Variants in ELFN2 observed in about 807,000 individuals in gnomAD.
ELFN2 encodes extracellular leucine rich repeat and fibronectin type III domain containing 2.
Under a neutral mutation model 45.5 loss-of-function variants are expected in ELFN2, and 17 were observed. The ratio of observed to expected loss-of-function variants is 0.37; its 90% CI spans 0.26 to 0.56. The LOEUF (loss-of-function observed/expected upper bound fraction) is 0.56. Among genes scored for constraint, ELFN2 ranks in the 20% least tolerant of loss-of-function variants. The probability of loss-of-function intolerance (pLI) is 0.77; values close to 1 mark genes in which losing one functional copy is unlikely to be tolerated. For synonymous variants in ELFN2, 550 were observed against 551.5 expected (o/e 1.00, Z 0.04); for missense variants, 922 against 1,183.2 (o/e 0.78, Z 3.24).
intron 1 of ELFN2, among the ~76,000 whole-genome samples, chr22:37,425,579 G>A (rs1425887216): frequency 1.4e-5 from 2 of 139,996 alleles, no homozygotes; most frequent in Admixed American, 7.4e-5. Context: ...CGTCACCTGC[G>A]GCCTGGAGCT....
rs147856150 is a variant in ELFN2, at chr22:37,374,301, G to A, written c.1234C>T (p.Leu412=). 5.0e-6 allele frequency: 8 copies of A among 1,613,794 alleles called. No individual in the cohort carries two copies. In the African/African-American group the frequency reaches 1.1e-4, roughly 22 times the overall value. Residue 412 remains leucine (L), a synonymous_variant, in exon 3 of 3, where the codon CTG becomes TTG. Transcript: ENST00000402918. The part of the protein sequence containing the change: ...LGCLFGMVIV[L]GAVYYCLRKR... Reference sequence around the variant, plus strand: ...CGCAGGCAGTAGTACACGGCTCCCAGCACGATAACCATGCCAAAGAGGCAG... The same window carrying A: ...CGCAGGCAGTAGTACACGGCTCCCAACACGATAACCATGCCAAAGAGGCAG...
rs1292481748 is a variant in ELFN2, at chr22:37,368,917, TGTC to T, written c.*4152_*4154del. The T allele has an allele frequency of 1.8e-5, 2 of 110,642 alleles. No individual in the cohort carries two copies. Among genetic ancestry groups the T allele is most frequent in the African/African-American group, 7.0e-5 (2 of 28,384 alleles). 6.9% of individuals were successfully genotyped at this position (110,642 alleles called of 1,614,324 possible). A position where few individuals can be genotyped will look rare whatever the true frequency, so the allele number is the denominator to read the frequency against. ...ACCCACCCACCCTTCTGGCTCCTCTTGTCATTCACAGCTTGGCTCCCTGTCCCC... is the reference window on the plus strand; with the variant it reads ...ACCCACCCACCCTTCTGGCTCCTCTTATTCACAGCTTGGCTCCCTGTCCCC... On this transcript the variant is annotated 3_prime_UTR_variant, in exon 3 of 3. Coordinates refer to ENST00000402918, the MANE Select transcript of ELFN2 (RefSeq NM_052906.5).
chr22:37,356,569 G>A (rs749319896), intron 1 of ELFN2, among the ~76,000 whole-genome samples: 6 of 152,186 alleles, frequency 3.9e-5, no homozygotes, highest in Non-Finnish European at 5.9e-5. Flanking sequence ...CTGGCCAGGC[G>A]TGAACGTCTT....
At chr22:37,407,257 T>G (rs990048220) in intron 2 of ELFN2, among the ~76,000 whole-genome samples, 4 of 152,168 alleles carry the variant, frequency 2.6e-5, no homozygotes, top group Non-Finnish European at 5.9e-5. Flanking sequence ...CCCTCTGAAA[T>G]TCAGGCTATA....
At chr22:37,397,372 G>A (rs1051127918) in intron 2 of ELFN2, among the ~76,000 whole-genome samples, 7 of 152,166 alleles carry the variant, frequency 4.6e-5, no homozygotes, top group Admixed American at 6.5e-5. Context: ...GCTGGCATCC[G>A]TCTCCACTCG....
chr22:37,415,737 T>C (rs9610746), intron 2 of ELFN2, among the ~76,000 whole-genome samples: 15,520 of 151,658 alleles, frequency 0.1, 1,465 homozygotes, highest in African/African-American at 0.25. Flanking sequence ...CTGAGGCGGG[T>C]GGATCACAAG....
intron 2 of ELFN2, among the ~76,000 whole-genome samples, chr22:37,382,452 C>T (rs1402575430): frequency 6.6e-6 from 1 of 151,946 alleles, no homozygotes; most frequent in Non-Finnish European, 1.5e-5. Context: ...ACCACGTTGG[C>T]CAGGATGGTC....
At chr22:37,364,873 A>C (rs1035171697), downstream of ELFN2, among the ~76,000 whole-genome samples, 3 of 152,212 alleles carry the variant, frequency 2.0e-5, no homozygotes, top group African/African-American at 7.2e-5. Context: ...GTTCAGCCTG[A>C]GGTCACTGGA....
downstream of ELFN2, among the ~76,000 whole-genome samples, chr22:37,366,555 G>A (rs5756652): frequency 9.8e-3 from 1,493 of 152,354 alleles, 22 homozygotes; most frequent in East Asian, 0.076. Context: ...GACCCAGTGC[G>A]ACAGGCAGGC....
intron 1 of ELFN2, among the ~76,000 whole-genome samples, chr22:37,361,790 C>G (rs1472019712): frequency 6.6e-6 from 1 of 152,196 alleles, no homozygotes; most frequent in Non-Finnish European, 1.5e-5. Flanking sequence ...TGTACCTTCA[C>G]GATGACCTCT....
chr22:37,351,005 T>C (rs376750047), intron 1 of ELFN2, among the ~76,000 whole-genome samples: 24 of 150,280 alleles, frequency 1.6e-4, no homozygotes, highest in African/African-American at 5.8e-4. Flanking sequence ...GTACATGGCT[T>C]CTCCTCTCCA....
chr22:37,417,344 C>T lies in ELFN2; in HGVS notation c.-463+425G>A, dbSNP rs1932770534. On this transcript the variant is annotated intron_variant, in intron 2 of 2. Coordinates refer to ENST00000402918, the MANE Select transcript of ELFN2 (RefSeq NM_052906.5). The surrounding 1 kb of genome is among the most constrained non-coding windows in gnomAD (Gnocchi z 4.5). ...CCTCTCTCTCTACAATGGACAGACC[C>T]CCACCTGAGCGAGACCCCCACCATG... Among the ~76,000 whole-genome samples the T allele has an allele frequency of 6.6e-6, 1 of 152,208 alleles. No homozygotes were observed. The highest frequency in any genetic ancestry group is 1.9e-4 in the East Asian group (1 of 5,192).
chr22:37,367,558 G>A (rs546325996), downstream of ELFN2, among the ~76,000 whole-genome samples: 4 of 152,294 alleles, frequency 2.6e-5, no homozygotes, highest in East Asian at 1.9e-4. Context: ...CTTTTCTCCC[G>A]GGAAGCAGCT....
At chr22:37,360,294 G>T (rs1336430915) in intron 1 of ELFN2, among the ~76,000 whole-genome samples, 2 of 152,244 alleles carry the variant, frequency 1.3e-5, no homozygotes, top group African/African-American at 4.8e-5. Context: ...GAGTCAGGGA[G>T]AGTGGGCAGC....
chr22:37,388,466 C>T (rs890487711), intron 2 of ELFN2, among the ~76,000 whole-genome samples: 6 of 152,194 alleles, frequency 3.9e-5, no homozygotes, highest in Admixed American at 2.0e-4. Context: ...GCCAGCTCGC[C>T]GCCCTCATAT....
intron 2 of ELFN2, among the ~76,000 whole-genome samples, chr22:37,398,185 C>T (rs942289103): frequency 3.3e-5 from 5 of 152,148 alleles, no homozygotes; most frequent in African/African-American, 1.2e-4. Flanking sequence ...CAGCTGTGGG[C>T]GGTGGAGCTA....
At chr22:37,423,389 A>G (rs188257333) in intron 1 of ELFN2, among the ~76,000 whole-genome samples, 35 of 152,296 alleles carry the variant, frequency 2.3e-4, no homozygotes, top group African/African-American at 6.5e-4. Context: ...AAGGGCCTTC[A>G]GTGAGAGGGG....
At chr22:37,380,133 C>G (rs1931710183) in intron 2 of ELFN2, among the ~76,000 whole-genome samples, 1 of 152,232 alleles carries the variant, frequency 6.6e-6, no homozygotes, top group Non-Finnish European at 1.5e-5. Flanking sequence ...GTCAGGGGAG[C>G]GTCTGGACCC....
chr22:37,414,855 G>A (rs993173653), intron 2 of ELFN2, among the ~76,000 whole-genome samples: 7 of 152,208 alleles, frequency 4.6e-5, no homozygotes, highest in Admixed American at 2.0e-4. Context: ...GTCTGAGCCT[G>A]CCCTTTGAGG....
Sources: gnomAD v4.1 joint callset for allele counts (sites outside exome capture counted in the v4.1 genomes callset) on GRCh38, gnomAD v4.1.1 for gene constraint, Gnocchi (gnomAD v3.1) non-coding constraint, MANE v1.5 for transcripts, NCBI Gene and HGNC (gene_info 2026-07-23, HGNC 2026-07-21) for gene names.